Variants in SULF2 observed in about 807,000 individuals in gnomAD.
The protein encoded by SULF2 is extracellular sulfatase Sulf-2.
SULF2 carries 52 observed loss-of-function variants against 107.7 expected under a neutral mutation model. The ratio of observed to expected loss-of-function variants is 0.48; its 90% CI spans 0.39 to 0.61. SULF2 has a LOEUF of 0.61. SULF2 is among the 20% of genes least tolerant of loss of function. The probability of loss-of-function intolerance (pLI) is 0.00; values close to 1 mark genes in which losing one functional copy is unlikely to be tolerated. For synonymous variants in SULF2, 460 were observed against 464.3 expected (o/e 0.99, Z 0.12); for missense variants, 993 against 1,177.3 (o/e 0.84, Z 2.29).
chr20:47,779,330 G>A lies in SULF2; in HGVS notation c.-101+6013C>T, dbSNP rs141392483. On this transcript the variant is annotated intron_variant, in intron 1 of 20. Transcript: ENST00000688720. ...TTTTCTGGGTGTCAAAATCACCCTC[G>A]GTTGAGAATCAAAGCCCTTTCCCTC... Among the ~76,000 whole-genome samples, 270 of 152,208 alleles carry A rather than the reference G, an allele frequency of 1.8e-3. 1 individual carries two copies. The highest frequency in any genetic ancestry group is 6.3e-3 in the African/African-American group (260 of 41,532).
intron 3 of SULF2, among the ~76,000 whole-genome samples, chr20:47,719,448 A>G (rs1195833820): frequency 6.6e-6 from 1 of 152,134 alleles, no homozygotes; most frequent in Non-Finnish European, 1.5e-5. Flanking sequence ...TTAGATAAGG[A>G]CGATCGCCCA....
In SULF2 at chr20:47,760,352, G is replaced by A. The variant is rs917443000; in HGVS notation, c.-100-2889C>T. 2.9e-4 allele frequency among the ~76,000 whole-genome samples: 44 copies of A among 152,242 alleles called. 1 individual carries two copies. The highest frequency in any genetic ancestry group is 1.0e-3 in the African/African-American group (43 of 41,536). ...AAGTCCGTGCATTTATTCTCCTCCC[G>A]CACGCAGTAGCTCCCCAGGCAGTAG... On this transcript the variant is annotated intron_variant, in intron 1 of 20. Transcript: ENST00000688720.
chr20:47,714,745 C>T (rs2089055953), intron 3 of SULF2, among the ~76,000 whole-genome samples: 1 of 152,128 alleles, frequency 6.6e-6, no homozygotes, highest in South Asian at 2.1e-4. Context: ...CTGCATCTGC[C>T]CCCACTTTCC....
rs1433247725 is a variant in SULF2 at position 47,676,584 on chromosome 20, G to A, written c.1290C>T (p.Ala430=). 1 of 1,566,100 alleles carries A rather than the reference G, an allele frequency of 6.4e-7. No homozygotes were observed. The highest frequency in any genetic ancestry group is 1.9e-5 in the Admixed American group (1 of 53,350). ...ACTTGGGCAGAAAGTTCTCCTCCTG[G>A]GCGTCCACCTTGTCATTGTCTCTCT... The part of the protein sequence containing the change: ...LHKRDNDKVD[A]QEENFLPKYQ... The change falls in exon 10 of 21, where the codon GCC becomes GCT. Residue 430 remains alanine, a synonymous_variant. Coordinates refer to ENST00000688720, the MANE Select transcript of SULF2 (RefSeq NM_001387048.1).
At chr20:47,754,441 T>C (rs1350574935) in intron 2 of SULF2, among the ~76,000 whole-genome samples, 1 of 152,118 alleles carries the variant, frequency 6.6e-6, no homozygotes, top group East Asian at 1.9e-4. Flanking sequence ...TCTAGTGGTT[T>C]ATAAAAAGCC....
chr20:47,717,817 T>TA (rs1353207960), intron 3 of SULF2, among the ~76,000 whole-genome samples: 84 of 149,232 alleles, frequency 5.6e-4, no homozygotes, highest in African/African-American at 2.0e-3. Context: ...GAGATAATTT[T>TA]TTTTTTTTTT....
chr20:47,775,795 G>A (rs1333759189), intron 1 of SULF2, among the ~76,000 whole-genome samples: 2 of 152,186 alleles, frequency 1.3e-5, no homozygotes, highest in South Asian at 2.1e-4. Context: ...ATTAGTCCCT[G>A]CTTCAAAGGC....
chr20:47,695,301 G>A (rs540985667), intron 4 of SULF2, among the ~76,000 whole-genome samples: 1 of 152,060 alleles, frequency 6.6e-6, no homozygotes, highest in Admixed American at 6.5e-5. Context: ...AAAAAAAAAT[G>A]AGCTGTATGC....
intron 3 of SULF2, among the ~76,000 whole-genome samples, chr20:47,712,342 T>A (rs2088960814): frequency 6.6e-6 from 1 of 152,218 alleles, no homozygotes; most frequent in Non-Finnish European, 1.5e-5. Context: ...TGCTCTTCCT[T>A]CTGCCTGGGA....
chr20:47,731,185 C>CTTTTT lies in SULF2; in HGVS notation c.415+5517_415+5518insAAAAA, dbSNP rs199660759. The stretch of plus-strand genomic sequence containing the variant: ...TCTGCCTGCTACTCACCTGTATCTT[C>CTTTTT]TCTTTTTTTTTTTTTTTTTTTTTTT... On this transcript the variant is annotated intron_variant, in intron 3 of 20. Transcript: ENST00000688720. Among the ~76,000 whole-genome samples the CTTTTT allele has an allele frequency of 4.2e-3, 393 of 93,200 alleles. 16 individuals are homozygous for CTTTTT. Among genetic ancestry groups the CTTTTT allele is most frequent in the African/African-American group, 0.014 (238 of 17,260 alleles). The allele number at this position is 93,200 out of a possible 152,430, so 61.1% of individuals were successfully genotyped here.
intron 14 of SULF2, 47 bp downstream of exon 14, chr20:47,665,152 C>T (rs765991313): frequency 3.3e-6 from 4 of 1,217,664 alleles, no homozygotes; most frequent in African/African-American, 1.5e-5. Flanking sequence ...CTGAACTGTC[C>T]TGTAGGAGAG....
intron 2 of SULF2, among the ~76,000 whole-genome samples, chr20:47,752,063 T>C (rs2090168658): frequency 6.6e-6 from 1 of 152,240 alleles, no homozygotes; most frequent in African/African-American, 2.4e-5. Flanking sequence ...CACCCCACTG[T>C]GTCAGCTGGG....
intron 3 of SULF2, among the ~76,000 whole-genome samples, chr20:47,734,106 T>G (rs1209823006): frequency 6.6e-6 from 1 of 152,178 alleles, no homozygotes; most frequent in East Asian, 1.9e-4. Context: ...CCAGGCCCCT[T>G]TGCTGCCATG....
chr20:47,762,172 A>G (rs2090432058), intron 1 of SULF2, among the ~76,000 whole-genome samples: 1 of 152,244 alleles, frequency 6.6e-6, no homozygotes, highest in Non-Finnish European at 1.5e-5. Flanking sequence ...TCAGTGGCCC[A>G]TGTCCCTCCA....
chr20:47,769,359 A>ATTTTTTTTTT (rs71183279), intron 1 of SULF2, among the ~76,000 whole-genome samples: 3 of 128,574 alleles, frequency 2.3e-5, no homozygotes, highest in African/African-American at 5.8e-5. Flanking sequence ...TAATTTTTGT[A>ATTTTTTTTTT]TTTTTTTTTT....
At position 47,658,107 on chromosome 20, in the gene SULF2, C is replaced by T. The variant is rs756589368; in HGVS notation, c.*255G>A. 3.6e-5 allele frequency: 19 copies of T among 522,826 alleles called. No homozygotes were observed. The highest frequency in any genetic ancestry group is 8.7e-5 in the South Asian group (3 of 34,412). 32.4% of individuals were successfully genotyped at this position (522,826 alleles called of 1,614,324 possible). On this transcript the variant is annotated 3_prime_UTR_variant, in exon 21 of 21. Transcript: ENST00000688720. Reference sequence around the variant, plus strand: ...GAGGGTTAGTGGTGACTTTTTGATACGAAAAAATGCATTTTGTGCAGCTGG... The same window carrying T: ...GAGGGTTAGTGGTGACTTTTTGATATGAAAAAATGCATTTTGTGCAGCTGG...
intron 2 of SULF2, among the ~76,000 whole-genome samples, chr20:47,756,758 G>C (rs1000477459): frequency 1.3e-5 from 2 of 151,260 alleles, no homozygotes; most frequent in Admixed American, 6.6e-5. Context: ...TGATTCTTGT[G>C]CCCCAGTCTC....
At chr20:47,780,829 T>C (rs1263989487) in intron 1 of SULF2, among the ~76,000 whole-genome samples, 1 of 152,172 alleles carries the variant, frequency 6.6e-6, no homozygotes, top group African/African-American at 2.4e-5. Context: ...GCTGGGATTA[T>C]AGGCATGAGC....
intron 4 of SULF2, among the ~76,000 whole-genome samples, chr20:47,693,343 C>T (rs537928529): frequency 3.5e-4 from 53 of 152,302 alleles, no homozygotes; most frequent in Admixed American, 2.4e-3. Context: ...CAGTGGTGGA[C>T]ACTTGCTGCC....
Sources: allele counts gnomAD v4.1 joint callset (sites outside exome capture counted in the v4.1 genomes callset), GRCh38; gene constraint gnomAD v4.1.1; transcripts MANE v1.5; gene names NCBI Gene and HGNC (gene_info 2026-07-23, HGNC 2026-07-21).